TBC1D22A: variants seen among roughly 807,000 people sequenced by gnomAD.
TBC1D22A encodes the protein putative GTPase activator.
A neutral mutation model predicts 60.2 loss-of-function variants in TBC1D22A; 38 were observed. The observed-to-expected ratio is 0.63, with a 90% confidence interval of 0.49 to 0.83. The LOEUF (loss-of-function observed/expected upper bound fraction) is 0.83, where lower values mean the gene tolerates loss of function less well. Among genes scored for constraint, TBC1D22A ranks in the 40% least tolerant of loss-of-function variants. TBC1D22A has a pLI of 0.00. For missense variants in TBC1D22A, 628 were observed against 701.0 expected (o/e 0.90, Z 1.18); for synonymous variants, 302 against 281.7 (o/e 1.07, Z -0.72).
At chr22:46,774,057 G>A (rs1322398943) in intron 1 of TBC1D22A, 3 of 985,518 alleles carry the variant, frequency 3.0e-6, no homozygotes, top group Non-Finnish European at 3.6e-6. Context: ...CTGTGGGCTG[G>A]CTTGGGTGGA....
chr22:46,819,871 C>CG (rs2085754695), intron 4 of TBC1D22A, among the ~76,000 whole-genome samples: 1 of 152,084 alleles, frequency 6.6e-6, no homozygotes, highest in East Asian at 1.9e-4. Context: ...TGGTCCTGGA[C>CG]TTTTTTTGGT....
At chr22:46,951,170 G>T (rs1322120530) in intron 8 of TBC1D22A, among the ~76,000 whole-genome samples, 1 of 152,120 alleles carries the variant, frequency 6.6e-6, no homozygotes, top group African/African-American at 2.4e-5. Context: ...TCTTCTCTCT[G>T]GGAGGTTAAT....
At chr22:47,100,451 C>T (rs1271236603) in intron 11 of TBC1D22A, among the ~76,000 whole-genome samples, 3 of 152,056 alleles carry the variant, frequency 2.0e-5, no homozygotes, top group African/African-American at 7.2e-5. Context: ...GGTGAGGCCT[C>T]GGGGGACGGG....
intron 1 of TBC1D22A, among the ~76,000 whole-genome samples, chr22:46,784,286 C>T (rs1025127104): frequency 5.3e-5 from 8 of 152,044 alleles, no homozygotes; most frequent in Non-Finnish European, 7.4e-5. Context: ...TCAAGTGATC[C>T]GCCTGCCTGG....
intron 3 of TBC1D22A, among the ~76,000 whole-genome samples, chr22:46,794,177 G>T (rs964862168): frequency 6.6e-6 from 1 of 152,206 alleles, no homozygotes; most frequent in Non-Finnish European, 1.5e-5. Context: ...GGGAGCAAGC[G>T]CCTGGGGACA....
intron 11 of TBC1D22A, among the ~76,000 whole-genome samples, chr22:47,041,254 A>G (rs528812104): frequency 2.0e-5 from 3 of 152,348 alleles, no homozygotes; most frequent in East Asian, 3.9e-4. Flanking sequence ...TGTATCTTTA[A>G]TCATCACTGC....
Position 47,173,499 on chromosome 22 carries a change from A to G in TBC1D22A, c.1427A>G (p.Glu476Gly). ...CTGGGCTTGTCTCTTTCTCCCCAGG[A>G]GCTGCTGCTCTTCCTCCAGAACCTG... ...KEILEEKDFQELLLFLQNLPT... is the reference protein window; with the variant it reads ...KEILEEKDFQGLLLFLQNLPT... Residue 476 changes from glutamate (E) to glycine (G), a missense_variant and splice_region_variant, in exon 13 of 13, where the codon GAG (glutamate) becomes GGG (glycine). Coordinates refer to ENST00000337137, the MANE Select transcript of TBC1D22A (RefSeq NM_014346.5). 6.2e-7 allele frequency: 1 copy of G among 1,613,712 alleles called. No homozygotes were observed. The highest frequency in any genetic ancestry group is 8.5e-7 in the Non-Finnish European group (1 of 1,179,894).
chr22:46,933,249 C>A (rs2071455799), intron 8 of TBC1D22A, among the ~76,000 whole-genome samples: 1 of 152,194 alleles, frequency 6.6e-6, no homozygotes, highest in Non-Finnish European at 1.5e-5. Context: ...AAAAGTTAAT[C>A]ATGATCACAA....
intron 4 of TBC1D22A, among the ~76,000 whole-genome samples, chr22:46,857,435 A>G (rs999381638): frequency 2.0e-5 from 3 of 152,234 alleles, no homozygotes; most frequent in Admixed American, 2.0e-4. Context: ...CTGAGAAGGT[A>G]GTTGGGGTTA....
At chr22:46,950,215 T>C (rs1192503785) in intron 8 of TBC1D22A, among the ~76,000 whole-genome samples, 1 of 152,140 alleles carries the variant, frequency 6.6e-6, no homozygotes, top group African/African-American at 2.4e-5. Context: ...GGTTTGCTTA[T>C]GAATCAGAGG....
intron 8 of TBC1D22A, among the ~76,000 whole-genome samples, chr22:46,942,087 C>T (rs1489679576): frequency 6.7e-6 from 1 of 149,546 alleles, no homozygotes; most frequent in Non-Finnish European, 1.5e-5. Flanking sequence ...CACTAGCATA[C>T]GTATATAAAT....
At chr22:47,015,852 A>G (rs1171125372) in intron 10 of TBC1D22A, among the ~76,000 whole-genome samples, 2 of 152,188 alleles carry the variant, frequency 1.3e-5, no homozygotes, top group Non-Finnish European at 2.9e-5. Context: ...GCCTGGAGCC[A>G]GGCCAGCCGA....
chr22:47,154,031 G>A (rs1420480454), intron 12 of TBC1D22A, among the ~76,000 whole-genome samples: 1 of 152,120 alleles, frequency 6.6e-6, no homozygotes, highest in Non-Finnish European at 1.5e-5. Flanking sequence ...GAGAGTAGGA[G>A]GAGATGTGAG....
At chr22:46,896,776 C>T (rs1248905008) in intron 7 of TBC1D22A, among the ~76,000 whole-genome samples, 3 of 152,280 alleles carry the variant, frequency 2.0e-5, no homozygotes, top group Non-Finnish European at 1.5e-5. Context: ...CCACTGGTTT[C>T]CTCTTCACCG....
chr22:46,794,606 G>A (rs1424412012), intron 3 of TBC1D22A, among the ~76,000 whole-genome samples: 2 of 132,490 alleles, frequency 1.5e-5, no homozygotes, highest in Non-Finnish European at 3.4e-5. Flanking sequence ...TGTGCCCTGC[G>A]GCAAGTCCAT....
At chr22:46,881,599 T>C (rs2147516176) in intron 5 of TBC1D22A, among the ~76,000 whole-genome samples, 1 of 152,350 alleles carries the variant, frequency 6.6e-6, no homozygotes, top group South Asian at 2.1e-4. Context: ...GCCCAGTGTC[T>C]GGCTCGTAGG....
rs114977500 is a variant in TBC1D22A at position 47,157,861 on chromosome 22, A to G, written c.1426-15637A>G. On this transcript the variant is annotated intron_variant, in intron 12 of 12. Transcript: ENST00000337137. ...CAAGTCACCCACCCCCCAAGCCCTC[A>G]TTCTTTCTTTACTGAGATGCCAGTT... Among the ~76,000 whole-genome samples the G allele has an allele frequency of 3.5e-3, 537 of 151,876 alleles. 3 individuals are homozygous for G. Among genetic ancestry groups the G allele is most frequent in the African/African-American group, 0.012 (510 of 41,434 alleles).
At chr22:47,035,590 C>T (rs755201484) in intron 10 of TBC1D22A, among the ~76,000 whole-genome samples, 22 of 152,318 alleles carry the variant, frequency 1.4e-4, no homozygotes, top group Non-Finnish European at 2.9e-4. Flanking sequence ...ACAGGAGCCC[C>T]GCCCCAGCAC....
Position 47,111,583 on chromosome 22 carries a change from C to T in TBC1D22A, c.1405C>T (p.Leu469=). 1 of 1,613,864 alleles carries T rather than the reference C, an allele frequency of 6.2e-7. No individual in the cohort carries two copies. The highest frequency in any genetic ancestry group is 8.5e-7 in the Non-Finnish European group (1 of 1,179,906). ...TCTCGTGAGATGGAGGAAGGAAATACTAGAAGAAAAAGATTTTCAAGTAAG... is the reference window on the plus strand; with the variant it reads ...TCTCGTGAGATGGAGGAAGGAAATATTAGAAGAAAAAGATTTTCAAGTAAG... ...AFLVRWRKEI[L]EEKDFQELLL... is the part of the protein sequence containing the mutation. The change falls in exon 12 of 13, where the codon CTA becomes TTA. Residue 469 remains leucine (L), a synonymous_variant. Transcript: ENST00000337137.
Sources: gnomAD v4.1 joint callset for allele counts (sites outside exome capture counted in the v4.1 genomes callset) on GRCh38, gnomAD v4.1.1 for gene constraint, MANE v1.5 for transcripts, NCBI Gene and HGNC (gene_info 2026-07-23, HGNC 2026-07-21) for gene names.